The following SMOC1 variants were observed in gnomAD, a reference collection of about 807,000 sequenced individuals.
The protein encoded by SMOC1 is SPARC-related modular calcium-binding protein 1.
A neutral mutation model predicts 56.3 loss-of-function variants in SMOC1; 22 were observed. The observed-to-expected ratio is 0.39, with a 90% CI of 0.28 to 0.56. The LOEUF (loss-of-function observed/expected upper bound fraction) is 0.56, where lower values mean the gene tolerates loss of function less well. Among genes scored for constraint, SMOC1 ranks in the 20% least tolerant of loss-of-function variants. SMOC1 has a pLI of 0.61. For missense variants in SMOC1, 509 were observed against 565.4 expected, an observed-to-expected ratio of 0.90 and a Z score of 1.01; for synonymous variants, 193 against 215.0, an observed-to-expected ratio of 0.90 and a Z score of 0.89.
intron 10 of SMOC1, among the ~76,000 whole-genome samples, chr14:70,022,091 G>A (rs1306083453): frequency 6.6e-6 from 1 of 152,080 alleles, no homozygotes; most frequent in African/African-American, 2.4e-5. Flanking sequence ...GTTGCACAAG[G>A]GCCTAGATCA....
intron 8 of SMOC1, 111 bp from the exon 9 acceptor site, chr14:70,011,373 AC>A: frequency 9.8e-7 from 1 of 1,024,042 alleles, no homozygotes; most frequent in South Asian, 1.3e-5. Flanking sequence ...CGTTCTGCCC[AC>A]CCTCAGTGCT....
At chr14:69,934,061 C>G (rs1251132345) in intron 1 of SMOC1, among the ~76,000 whole-genome samples, 2 of 152,190 alleles carry the variant, frequency 1.3e-5, no homozygotes, top group Non-Finnish European at 2.9e-5. Flanking sequence ...ATTTCCCTGC[C>G]TTAACAGATG....
chr14:69,982,859 T>C (rs1884228851), intron 5 of SMOC1, among the ~76,000 whole-genome samples: 1 of 152,222 alleles, frequency 6.6e-6, no homozygotes, highest in Admixed American at 6.5e-5. Context: ...ATGGCTTTTC[T>C]TGGAGAAGGA....
chr14:69,975,978 A>G (rs1883937484), intron 4 of SMOC1, among the ~76,000 whole-genome samples, 164 bp downstream of exon 4: 1 of 151,954 alleles, frequency 6.6e-6, no homozygotes, highest in Non-Finnish European at 1.5e-5. Flanking sequence ...AAGTCAGCAA[A>G]TGATAAGGCA....
chr14:69,881,744 C>T lies in SMOC1; in HGVS notation c.99+1967C>T, dbSNP rs750407991. Among the ~76,000 whole-genome samples the T allele has an allele frequency of 7.9e-5, 12 of 152,238 alleles. No individual in the cohort carries two copies. The East Asian group carries it at 2.3e-3, about 29-fold the overall frequency. On this transcript the variant is annotated intron_variant, in intron 1 of 11. Transcript: ENST00000361956. Reference sequence around the variant, plus strand: ...AAGTACCAAGGAGAAGGTGCTGTCTCGAGCATGTGGTTACCTGGTTGTGTT... The same window carrying T: ...AAGTACCAAGGAGAAGGTGCTGTCTTGAGCATGTGGTTACCTGGTTGTGTT...
At chr14:69,926,089 A>G (rs1885004042) in intron 1 of SMOC1, among the ~76,000 whole-genome samples, 1 of 151,032 alleles carries the variant, frequency 6.6e-6, no homozygotes, top group Admixed American at 6.6e-5. Context: ...CTGACTTGGT[A>G]TTACCAAAAT....
chr14:69,988,234 C>T (rs1884436176), intron 5 of SMOC1, among the ~76,000 whole-genome samples: 1 of 150,634 alleles, frequency 6.6e-6, no homozygotes, highest in Non-Finnish European at 1.5e-5. Flanking sequence ...TTTCATGTTT[C>T]CAAATTTGCC....
rs563175294 is a variant in SMOC1, at chr14:69,885,390, C to T, written c.99+5613C>T. ...TTAGCCTTTGCCTTTTTGCGCTTGGCGATACGAGCCACAGACTTAGGACCC... is the reference window on the plus strand; with the variant it reads ...TTAGCCTTTGCCTTTTTGCGCTTGGTGATACGAGCCACAGACTTAGGACCC... On this transcript the variant is annotated intron_variant, in intron 1 of 11. Transcript: ENST00000361956. The T allele has an allele frequency of 1.4e-5, 23 of 1,598,990 alleles. No individual in the cohort carries two copies. The African/African-American group carries it at 1.5e-4, about 10-fold the overall frequency.
At chr14:69,973,185 C>A (rs1566694371) in intron 3 of SMOC1, among the ~76,000 whole-genome samples, 1 of 152,352 alleles carries the variant, frequency 6.6e-6, no homozygotes, top group East Asian at 1.9e-4. Flanking sequence ...TTTCCAGCAG[C>A]ATTTCCCACC....
intron 1 of SMOC1, among the ~76,000 whole-genome samples, chr14:69,940,168 C>G (rs1447568148): frequency 6.6e-6 from 1 of 152,218 alleles, no homozygotes; most frequent in African/African-American, 2.4e-5. Flanking sequence ...GGGGTTCAGT[C>G]ACTGCCCAGC....
chr14:69,975,755 C>G lies in SMOC1; in HGVS notation c.419C>G (p.Thr140Ser), dbSNP rs753815165. Reference protein sequence around the residue: ...HTYTGYCWCVTPDGKPISGSS... With the variant: ...HTYTGYCWCVSPDGKPISGSS... ...TACACTGGGTACTGCTGGTGTGTCA[C>G]CCCGGATGGGAAGCCCATCAGTGGC... Residue 140 changes from threonine to serine, a missense_variant, in exon 4 of 12, where the codon ACC becomes AGC. Physicochemically the swap from Thr to Ser is moderately conservative, Grantham distance 58 (BLOSUM62 1). Coordinates refer to ENST00000361956, the MANE Select transcript of SMOC1 (RefSeq NM_001034852.3). 1 of 1,613,104 alleles carries G rather than the reference C, an allele frequency of 6.2e-7. No individual in the cohort carries two copies. Among genetic ancestry groups the G allele is most frequent in the Non-Finnish European group, 8.5e-7 (1 of 1,179,970 alleles).
At chr14:70,009,924 C>T (rs937808757) in intron 7 of SMOC1, among the ~76,000 whole-genome samples, 3 of 152,072 alleles carry the variant, frequency 2.0e-5, no homozygotes, top group Admixed American at 2.0e-4. Context: ...GCCAGGCAGG[C>T]TAAGTGGTTG....
intron 1 of SMOC1, among the ~76,000 whole-genome samples, chr14:69,949,727 C>T (rs1010970210): frequency 3.3e-5 from 5 of 152,120 alleles, no homozygotes; most frequent in Admixed American, 3.3e-4. Context: ...GGAAGCAGGC[C>T]CGTGTGCCCC....
At chr14:69,882,924 C>T (rs1883683540) in intron 1 of SMOC1, among the ~76,000 whole-genome samples, 1 of 152,142 alleles carries the variant, frequency 6.6e-6, no homozygotes, top group African/African-American at 2.4e-5. Context: ...TGACTGGAGG[C>T]AGGAACTAGA....
intron 1 of SMOC1, among the ~76,000 whole-genome samples, chr14:69,921,042 C>T (rs140270649): frequency 9.8e-5 from 15 of 152,302 alleles, no homozygotes; most frequent in African/African-American, 3.4e-4. Context: ...CATAGTTGGT[C>T]GCCCAAAGCC....
At chr14:69,886,999 C>T (rs1215271717) in intron 1 of SMOC1, among the ~76,000 whole-genome samples, 1 of 152,162 alleles carries the variant, frequency 6.6e-6, no homozygotes, top group Non-Finnish European at 1.5e-5. Flanking sequence ...CAATTCCACT[C>T]CGGCTCTATG....
At chr14:70,003,887 A>G (rs1240704350) in intron 7 of SMOC1, among the ~76,000 whole-genome samples, 2 of 152,154 alleles carry the variant, frequency 1.3e-5, no homozygotes, top group Non-Finnish European at 1.5e-5. Context: ...AGCACCTGAC[A>G]TGATGCCAGC....
intron 3 of SMOC1, among the ~76,000 whole-genome samples, chr14:69,956,206 C>T (rs1265380146): frequency 6.6e-6 from 1 of 152,234 alleles, no homozygotes; most frequent in Non-Finnish European, 1.5e-5. Flanking sequence ...ATGCTAAGCA[C>T]TGCCATGTGT....
At chr14:69,967,753 C>T (rs1242448024) in intron 3 of SMOC1, among the ~76,000 whole-genome samples, 1 of 152,230 alleles carries the variant, frequency 6.6e-6, no homozygotes, top group East Asian at 1.9e-4. Flanking sequence ...GGTTAAGTGA[C>T]TTTGCTGAAG....
Sources: allele counts gnomAD v4.1 joint callset (sites outside exome capture counted in the v4.1 genomes callset), GRCh38; gene constraint gnomAD v4.1.1; transcripts MANE v1.5; gene names NCBI Gene and HGNC (gene_info 2026-07-23, HGNC 2026-07-21).